ADCY8: variants seen among roughly 807,000 people sequenced by gnomAD.
The protein encoded by ADCY8 is adenylate cyclase 8.
ADCY8 carries 51 observed loss-of-function variants against 119.7 expected under a neutral mutation model. The observed-to-expected ratio is 0.43, with a 90% CI of 0.34 to 0.54. The LOEUF is 0.54. Ranked by LOEUF, ADCY8 falls within the 20% of genes least tolerant of loss-of-function variation. The pLI, the probability that ADCY8 is intolerant of heterozygous loss-of-function variation, is 0.03. For missense variants in ADCY8, 1,383 were observed against 1,598.8 expected (o/e 0.87, Z 2.30); for synonymous variants, 665 against 651.0 (o/e 1.02, Z -0.33).
intron 12 of ADCY8, among the ~76,000 whole-genome samples, chr8:130,829,139 T>C (rs976984554): frequency 8.5e-5 from 13 of 152,304 alleles, no homozygotes; most frequent in Middle Eastern, 3.4e-3. Flanking sequence ...CCTGCAACCA[T>C]GGGTGGCACA....
chr8:130,893,577 C>G (rs73346434), intron 7 of ADCY8, among the ~76,000 whole-genome samples: 1,974 of 152,112 alleles, frequency 0.013, 49 homozygotes, highest in African/African-American at 0.045. Context: ...AAACATATAT[C>G]CAGACCTAAG....
Position 130,800,842 on chromosome 8 carries a change from TATG to T in ADCY8, c.2914-273_2914-271del, listed in dbSNP as rs1174111598. Among the ~76,000 whole-genome samples, 7 of 152,356 alleles carry T rather than the reference TATG, an allele frequency of 4.6e-5. No individual in the cohort carries two copies. The East Asian group carries it at 1.3e-3, about 29-fold the overall frequency. On this transcript the variant is annotated intron_variant, in intron 14 of 17. Transcript: ENST00000286355. Reference sequence around the variant, plus strand: ...AGTCCAAGATCAAGGTACTGGCAGATATGATGTCTGGTGAGGACTCACTTTCTG... The same window carrying T: ...AGTCCAAGATCAAGGTACTGGCAGATATGTCTGGTGAGGACTCACTTTCTG...
intron 5 of ADCY8, among the ~76,000 whole-genome samples, chr8:130,924,155 G>T (rs1056334706): frequency 1.3e-5 from 2 of 152,182 alleles, no homozygotes; most frequent in African/African-American, 4.8e-5. Context: ...TGGTCCCCTT[G>T]TGCTGCCACT....
intron 1 of ADCY8, among the ~76,000 whole-genome samples, chr8:131,022,355 G>A (rs1823697632): frequency 6.6e-6 from 1 of 152,064 alleles, no homozygotes; most frequent in Non-Finnish European, 1.5e-5. Context: ...TCCCACTTAT[G>A]AATGAGAACA....
At chr8:130,878,160 G>C (rs1818636300) in intron 8 of ADCY8, among the ~76,000 whole-genome samples, 1 of 152,168 alleles carries the variant, frequency 6.6e-6, no homozygotes, top group Non-Finnish European at 1.5e-5. Flanking sequence ...CCGGTAACTG[G>C]TTGGAACTGG....
intron 1 of ADCY8, among the ~76,000 whole-genome samples, chr8:130,996,743 G>C (rs1434720052): frequency 6.6e-6 from 1 of 152,072 alleles, no homozygotes; most frequent in Admixed American, 6.6e-5. Context: ...AAATAAAGGG[G>C]AATACTGCTC....
At chr8:130,814,771 G>A (rs1232205774) in intron 13 of ADCY8, among the ~76,000 whole-genome samples, 1 of 152,076 alleles carries the variant, frequency 6.6e-6, no homozygotes, top group African/African-American at 2.4e-5. Flanking sequence ...GAACAGTATG[G>A]GGGAAACTGC....
intron 1 of ADCY8, among the ~76,000 whole-genome samples, chr8:131,023,591 AT>A (rs1271063984): frequency 6.6e-6 from 1 of 152,188 alleles, no homozygotes. Context: ...TATTCTAAAA[AT>A]CTTTTGTTCG....
chr8:130,916,590 TGGCCATAAC>T (rs1348282163), intron 5 of ADCY8, among the ~76,000 whole-genome samples: 1 of 152,182 alleles, frequency 6.6e-6, no homozygotes, highest in African/African-American at 2.4e-5. Context: ...ATGTCCATAA[TGGCCATAAC>T]GCACAAGCTG....
At chr8:130,816,688 G>A (rs919045219) in intron 13 of ADCY8, among the ~76,000 whole-genome samples, 8 of 152,036 alleles carry the variant, frequency 5.3e-5, no homozygotes, top group Non-Finnish European at 8.8e-5. Context: ...GCCTCCCAAA[G>A]TGCTGGGATT....
intron 2 of ADCY8, among the ~76,000 whole-genome samples, chr8:130,971,987 A>G (rs1024527713): frequency 1.1e-4 from 17 of 152,240 alleles, no homozygotes; most frequent in Admixed American, 3.3e-4. Context: ...AATAATGTAC[A>G]TATCACAGGT....
Position 130,951,855 on chromosome 8 carries a change from T to C in ADCY8, c.1241+13A>G, listed in dbSNP as rs893352072. On this transcript the variant is annotated intron_variant, in intron 3 of 17. Coordinates refer to ENST00000286355, the MANE Select transcript of ADCY8 (RefSeq NM_001115.3). ...TCATGCAAGAGCCGGGGCAAGGGTGTTGTGTTTCTCACCTGACGTTCTCAT... is the reference window on the plus strand; with the variant it reads ...TCATGCAAGAGCCGGGGCAAGGGTGCTGTGTTTCTCACCTGACGTTCTCAT... 3.1e-6 allele frequency: 5 copies of C among 1,613,602 alleles called. No individual in the cohort carries two copies. In the Admixed American group the frequency reaches 6.7e-5, roughly 22 times the overall value.
At chr8:131,021,068 G>C (rs184155810) in intron 1 of ADCY8, among the ~76,000 whole-genome samples, 1 of 152,220 alleles carries the variant, frequency 6.6e-6, no homozygotes, top group East Asian at 1.9e-4. Context: ...CAATTACAAT[G>C]TTATCTCAAA....
rs1554599517 is a variant in ADCY8 at position 130,780,373 on chromosome 8, A to AAAC, written c.*16_*17insGTT. The AAAC allele has an allele frequency of 6.4e-6, 9 of 1,405,214 alleles. No individual in the cohort carries two copies. The highest frequency in any genetic ancestry group is 5.0e-5 in the East Asian group (2 of 40,252). 87.0% of individuals were successfully genotyped at this position (1,405,214 alleles called of 1,614,324 possible). A position where few individuals can be genotyped will look rare whatever the true frequency, so the allele number is the denominator to read the frequency against. On this transcript the variant is annotated 3_prime_UTR_variant, in exon 18 of 18. Coordinates refer to ENST00000286355, the MANE Select transcript of ADCY8 (RefSeq NM_001115.3). ...TATAAAAGAAATACAAAAAAAAAAA[A>AAAC]CAGAAAGAAAATGCTTTTATGGCAA...
At chr8:130,846,791 T>TCC in intron 11 of ADCY8, among the ~76,000 whole-genome samples, 1 of 79,906 alleles carries the variant, frequency 1.3e-5, no homozygotes, top group African/African-American at 4.1e-5. Context: ...CTTCCTTCCT[T>TCC]CTCCTTCCTT....
intron 2 of ADCY8, among the ~76,000 whole-genome samples, chr8:130,975,936 C>A (rs969012978): frequency 6.6e-6 from 1 of 152,094 alleles, no homozygotes; most frequent in Non-Finnish European, 1.5e-5. Context: ...ATAGTAACTT[C>A]AAAATCCCTT....
chr8:130,983,965 A>G (rs1439938935), intron 2 of ADCY8, among the ~76,000 whole-genome samples: 1 of 152,250 alleles, frequency 6.6e-6, no homozygotes, highest in Non-Finnish European at 1.5e-5. Flanking sequence ...TTTCTGCTCT[A>G]TAGCCACAGT....
At chr8:130,858,649 C>A (rs1462553439) in intron 9 of ADCY8, among the ~76,000 whole-genome samples, 1 of 152,116 alleles carries the variant, frequency 6.6e-6, no homozygotes, top group Non-Finnish European at 1.5e-5. Context: ...GTTGCCCATA[C>A]TTAAGGAGTG....
chr8:130,893,252 G>C (rs1273316070), intron 7 of ADCY8, among the ~76,000 whole-genome samples: 1 of 152,150 alleles, frequency 6.6e-6, no homozygotes, highest in African/African-American at 2.4e-5. Context: ...GTGTGGAACA[G>C]ATATGCAAAC....
Sources: allele counts gnomAD v4.1 joint callset (sites outside exome capture counted in the v4.1 genomes callset), GRCh38; gene constraint gnomAD v4.1.1; transcripts MANE v1.5; gene names NCBI Gene and HGNC (gene_info 2026-07-23, HGNC 2026-07-21).